LGSN: variants seen among roughly 807,000 people sequenced by gnomAD.
LGSN encodes the protein lengsin.
LGSN carries 21 observed loss-of-function variants against 19.5 expected under a neutral mutation model. The observed-to-expected ratio is 1.07, with a 90% CI of 0.76 to 1.55. The LOEUF is 1.55. LGSN is among the 40% of genes most tolerant of loss of function. The probability of loss-of-function intolerance (pLI) is 0.00; values close to 1 mark genes in which losing one functional copy is unlikely to be tolerated. For synonymous variants in LGSN, 257 were observed against 215.6 expected, an observed-to-expected ratio of 1.19 and a Z score of -1.68; for missense variants, 673 against 608.5, an observed-to-expected ratio of 1.11 and a Z score of -1.12.
the LGSN span, among the ~76,000 whole-genome samples, chr6:63,378,584 C>T: frequency 1.3e-5 from 2 of 152,180 alleles, no homozygotes; most frequent in Non-Finnish European, 2.9e-5. Flanking sequence ...CCAGCATTGG[C>T]TTCAGGCCAC....
the LGSN span, among the ~76,000 whole-genome samples, chr6:63,447,388 T>C: frequency 6.6e-6 from 1 of 152,248 alleles, no homozygotes; most frequent in Non-Finnish European, 1.5e-5. Flanking sequence ...TAAGCAGTGT[T>C]GCTATATTTA....
chr6:63,295,385 T>C (rs1384441108), intron 1 of LGSN, among the ~76,000 whole-genome samples: 2 of 152,194 alleles, frequency 1.3e-5, no homozygotes, highest in African/African-American at 2.4e-5. Context: ...GCAAAACCTA[T>C]TTTAACTAAA....
intron 1 of LGSN, among the ~76,000 whole-genome samples, chr6:63,315,423 A>G (rs1768800120): frequency 6.6e-6 from 1 of 152,120 alleles, no homozygotes; most frequent in South Asian, 2.1e-4. Flanking sequence ...GGCTTGTGCT[A>G]GTGAAAGCCT....
the LGSN span, among the ~76,000 whole-genome samples, chr6:63,369,778 T>C: frequency 6.6e-6 from 1 of 152,106 alleles, no homozygotes; most frequent in Non-Finnish European, 1.5e-5. Context: ...CCTAGCACTT[T>C]GGGAGGCCTG....
At chr6:63,365,955 A>G in the LGSN span, among the ~76,000 whole-genome samples, 148 of 152,344 alleles carry the variant, frequency 9.7e-4, 1 homozygote, top group African/African-American at 3.3e-3. Context: ...AATAAGAGCT[A>G]TTTATGACAA....
chr6:63,333,632 A>G, the LGSN span, among the ~76,000 whole-genome samples: 1 of 140,212 alleles, frequency 7.1e-6, no homozygotes, highest in Non-Finnish European at 1.5e-5. Flanking sequence ...GGCAAAAAAA[A>G]GAAAAGAAAA....
the LGSN span, among the ~76,000 whole-genome samples, chr6:63,484,208 G>A: frequency 6.6e-6 from 1 of 151,558 alleles, no homozygotes; most frequent in African/African-American, 2.4e-5. Flanking sequence ...AAATAAATAG[G>A]CATCAAAAAT....
chr6:63,516,786 G>A, the LGSN span, among the ~76,000 whole-genome samples: 8 of 152,150 alleles, frequency 5.3e-5, no homozygotes, highest in Non-Finnish European at 7.3e-5. Context: ...AAAGGGGTAG[G>A]ACTTCCTCTT....
the LGSN span, chr6:63,548,724 G>T: frequency 9.3e-6 from 6 of 645,364 alleles, no homozygotes; most frequent in Middle Eastern, 4.3e-4. Flanking sequence ...CAGCTTAGTT[G>T]CAAGTTCTTG....
At chr6:63,332,653 A>T in the LGSN span, among the ~76,000 whole-genome samples, 2,461 of 152,262 alleles carry the variant, frequency 0.016, 72 homozygotes, top group African/African-American at 0.057. Flanking sequence ...GTCGCTTTCC[A>T]CTGGCCGACA....
At chr6:63,426,921 T>C in the LGSN span, among the ~76,000 whole-genome samples, 5 of 152,210 alleles carry the variant, frequency 3.3e-5, no homozygotes, top group African/African-American at 1.2e-4. Flanking sequence ...AATCAATGTG[T>C]CCTGTCTTTT....
the LGSN span, among the ~76,000 whole-genome samples, chr6:63,501,601 C>T: frequency 3.3e-5 from 5 of 151,780 alleles, no homozygotes; most frequent in East Asian, 7.7e-4. Context: ...AAAAAAAAAG[C>T]GCTTGTTGTT....
intron 1 of LGSN, among the ~76,000 whole-genome samples, chr6:63,313,053 G>C (rs1008440245): frequency 6.6e-6 from 1 of 152,132 alleles, no homozygotes; most frequent in East Asian, 1.9e-4. Context: ...CTTGACAGTG[G>C]TTGGAATTAT....
At chr6:63,494,843 T>C in the LGSN span, among the ~76,000 whole-genome samples, 1 of 152,234 alleles carries the variant, frequency 6.6e-6, no homozygotes, top group Non-Finnish European at 1.5e-5. Context: ...TGATGACAAA[T>C]ACTTGACGTT....
intron 1 of LGSN, among the ~76,000 whole-genome samples, chr6:63,296,145 A>G (rs140247569): frequency 5.9e-5 from 9 of 152,250 alleles, no homozygotes; most frequent in African/African-American, 2.2e-4. Flanking sequence ...GCTTGCTTAT[A>G]TGTAATTATG....
the LGSN span, among the ~76,000 whole-genome samples, chr6:63,428,049 T>C: frequency 2.6e-5 from 4 of 152,206 alleles, no homozygotes; most frequent in Non-Finnish European, 5.9e-5. Flanking sequence ...AAGTAAATTG[T>C]CATTAAAAAT....
intron 1 of LGSN, among the ~76,000 whole-genome samples, chr6:63,298,313 C>A (rs1268560716): frequency 6.6e-6 from 1 of 152,164 alleles, no homozygotes; most frequent in African/African-American, 2.4e-5. Flanking sequence ...TGTATGGGCA[C>A]ATTTTTTATC....
chr6:63,353,588 C>CAAAAAAAAAA, the LGSN span, among the ~76,000 whole-genome samples: 3 of 74,162 alleles, frequency 4.0e-5, no homozygotes, highest in Non-Finnish European at 5.8e-5. Flanking sequence ...CAGTTTGTAG[C>CAAAAAAAAAA]AAAAAAAAAA....
At chr6:63,299,808 T>C (rs1768115647) in intron 1 of LGSN, among the ~76,000 whole-genome samples, 1 of 152,236 alleles carries the variant, frequency 6.6e-6, no homozygotes, top group African/African-American at 2.4e-5. Context: ...TCTTCAGAAT[T>C]GTCAATACTA....
Sources: gnomAD v4.1 joint callset for allele counts (sites outside exome capture counted in the v4.1 genomes callset) on GRCh38, gnomAD v4.1.1 for gene constraint, MANE v1.5 for transcripts, NCBI Gene and HGNC (gene_info 2026-07-23, HGNC 2026-07-21) for gene names.